Variants in SPIRE1 observed in about 807,000 individuals in gnomAD.
SPIRE1 encodes the protein spire type actin nucleation factor 1.
SPIRE1 carries 40 observed loss-of-function variants against 94.1 expected under a neutral mutation model. The observed-to-expected ratio is 0.43, with a 90% confidence interval of 0.33 to 0.55. The LOEUF (loss-of-function observed/expected upper bound fraction) is 0.55. Ranked by LOEUF, SPIRE1 falls within the 20% of genes least tolerant of loss-of-function variation. SPIRE1 has a pLI of 0.06. For synonymous variants in SPIRE1, 376 were observed against 371.7 expected, an observed-to-expected ratio of 1.01 and a Z score of -0.13; for missense variants, 838 against 975.2, an observed-to-expected ratio of 0.86 and a Z score of 1.87.
chr18:12,456,869 G>A (rs923720782), intron 12 of SPIRE1, among the ~76,000 whole-genome samples: 5 of 152,142 alleles, frequency 3.3e-5, no homozygotes, highest in African/African-American at 7.2e-5. Flanking sequence ...ACAAGGTCTC[G>A]CTCTGTCACC....
At chr18:12,513,489 CTTTATTTATTTATTTA>C (rs10580270) in intron 4 of SPIRE1, among the ~76,000 whole-genome samples, 1,828 of 142,914 alleles carry the variant, frequency 0.013, 16 homozygotes, top group Middle Eastern at 0.025. Context: ...GAATACTTAA[CTTTATTTATTTATTTA>C]TTTATTTATT....
intron 12 of SPIRE1, among the ~76,000 whole-genome samples, chr18:12,457,506 G>A (rs939974529): frequency 2.6e-5 from 4 of 152,140 alleles, no homozygotes; most frequent in Non-Finnish European, 4.4e-5. Context: ...GCATGTGTTC[G>A]GCCCGTTTGA....
intron 2 of SPIRE1, among the ~76,000 whole-genome samples, chr18:12,555,482 G>A (rs1474968402): frequency 1.3e-5 from 2 of 151,936 alleles, no homozygotes; most frequent in African/African-American, 4.8e-5. Context: ...TAACCAAGTG[G>A]GATTTTTCCC....
upstream of SPIRE1, chr18:12,661,869 A>T (rs1043201433): frequency 6.0e-6 from 1 of 165,300 alleles, no homozygotes; most frequent in African/African-American, 2.4e-5. Context: ...TTACTCTATG[A>T]CTTCATATTT....
chr18:12,591,993 A>AT (rs2036549104), intron 2 of SPIRE1, among the ~76,000 whole-genome samples: 1 of 136,996 alleles, frequency 7.3e-6, no homozygotes, highest in Non-Finnish European at 1.6e-5. Context: ...AAAAAAAAAA[A>AT]TCAAGAATAG....
chr18:12,648,814 C>T lies in SPIRE1; in HGVS notation c.337+8716G>A, dbSNP rs373881659. ...CTGAGGCAGGAGAATCCCTTGAACC[C>T]AGGAGGTAGAGGTTATGGTGAGCCA... On this transcript the variant is annotated intron_variant, in intron 1 of 16. Coordinates refer to ENST00000409402, the MANE Select transcript of SPIRE1 (RefSeq NM_001128626.2). Among the ~76,000 whole-genome samples, 317 of 146,426 alleles carry T rather than the reference C, an allele frequency of 2.2e-3. 2 individuals carry two copies. The highest frequency in any genetic ancestry group is 7.3e-3 in the African/African-American group (290 of 39,706).
intron 4 of SPIRE1, among the ~76,000 whole-genome samples, chr18:12,515,060 A>G (rs1327783906): frequency 6.6e-6 from 1 of 152,104 alleles, no homozygotes; most frequent in Non-Finnish European, 1.5e-5. Context: ...GCCCACTTGG[A>G]AACACGTTCT....
intron 9 of SPIRE1, among the ~76,000 whole-genome samples, chr18:12,482,020 TA>T (rs2143779711): frequency 6.6e-6 from 1 of 152,272 alleles, no homozygotes; most frequent in South Asian, 2.1e-4. Context: ...GGAGTTATCA[TA>T]ATAAGAGAAA....
intron 12 of SPIRE1, among the ~76,000 whole-genome samples, chr18:12,456,936 C>G (rs2031534329): frequency 6.6e-6 from 1 of 152,196 alleles, no homozygotes; most frequent in Non-Finnish European, 1.5e-5. Flanking sequence ...CTCCCGGGTT[C>G]AAGTGATTCT....
At chr18:12,611,138 A>C (rs2037129727) in intron 2 of SPIRE1, among the ~76,000 whole-genome samples, 1 of 152,190 alleles carries the variant, frequency 6.6e-6, no homozygotes, top group Non-Finnish European at 1.5e-5. Context: ...AATTAAAAAC[A>C]AAAAAACTTG....
intron 2 of SPIRE1, among the ~76,000 whole-genome samples, chr18:12,603,001 A>G (rs1322384492): frequency 6.6e-6 from 1 of 152,220 alleles, no homozygotes; most frequent in East Asian, 1.9e-4. Flanking sequence ...TGATAAGCTC[A>G]TTGAAAATAC....
intron 2 of SPIRE1, among the ~76,000 whole-genome samples, chr18:12,617,249 C>T (rs12457615): frequency 0.032 from 4,763 of 150,938 alleles, 144 homozygotes; most frequent in East Asian, 0.091. Context: ...AACCACCACT[C>T]TGTCACCCAG....
intron 2 of SPIRE1, among the ~76,000 whole-genome samples, chr18:12,600,289 C>G (rs2036796852): frequency 6.6e-6 from 1 of 152,110 alleles, no homozygotes; most frequent in African/African-American, 2.4e-5. Flanking sequence ...GGCCAGACTC[C>G]TAACTAACAA....
chr18:12,607,141 A>G (rs1315004907), intron 2 of SPIRE1, among the ~76,000 whole-genome samples: 3 of 152,212 alleles, frequency 2.0e-5, no homozygotes, highest in Non-Finnish European at 4.4e-5. Flanking sequence ...AACTTGTGAC[A>G]ATCACAAGGT....
rs545602402 is a variant in SPIRE1 at position 12,617,978 on chromosome 18, A to G, written c.372+17084T>C. The stretch of plus-strand genomic sequence containing the variant: ...CAAGTCCTCAACAAATGATGTAAAA[A>G]AAATTTATATTTTTACCTGTAGTTC... On this transcript the variant is annotated intron_variant, in intron 2 of 16. Coordinates refer to ENST00000409402, the MANE Select transcript of SPIRE1 (RefSeq NM_001128626.2). 2.3e-3 allele frequency among the ~76,000 whole-genome samples: 358 copies of G among 152,342 alleles called. 3 individuals carry two copies. Among genetic ancestry groups the G allele is most frequent in the South Asian group, 0.014 (69 of 4,828 alleles).
Position 12,556,690 on chromosome 18 carries a change from G to C in SPIRE1, c.373-9786C>G, listed in dbSNP as rs564152013. 2.6e-5 allele frequency among the ~76,000 whole-genome samples: 4 copies of C among 152,234 alleles called. No individual in the cohort carries two copies. In the South Asian group the frequency reaches 8.3e-4, roughly 32 times the overall value. On this transcript the variant is annotated intron_variant, in intron 2 of 16. Transcript: ENST00000409402. ...TTGTTCATTCCTCCCCTCTGGAGTT[G>C]TTCCTCCCTCCCGCTGGGTTCATGG...
chr18:12,479,527 A>T (rs1234701644), intron 10 of SPIRE1, among the ~76,000 whole-genome samples, 172 bp downstream of exon 10: 1 of 152,188 alleles, frequency 6.6e-6, no homozygotes, highest in Non-Finnish European at 1.5e-5. Flanking sequence ...ACTAATAGAA[A>T]GTAATCTATT....
intron 4 of SPIRE1, 45 bp downstream of exon 4, chr18:12,535,431 T>G (rs2034805886): frequency 6.4e-7 from 1 of 1,573,292 alleles, no homozygotes; most frequent in Non-Finnish European, 8.7e-7. Flanking sequence ...ATCAAATGCA[T>G]GCCAATCAAA....
upstream of SPIRE1, among the ~76,000 whole-genome samples, chr18:12,659,352 C>T (rs2144929747): frequency 6.6e-6 from 1 of 152,150 alleles, no homozygotes; most frequent in East Asian, 1.9e-4. Context: ...AGAAAAGCAA[C>T]AGGACGAAAA....
Sources: gnomAD v4.1 joint callset for allele counts (sites outside exome capture counted in the v4.1 genomes callset) on GRCh38, gnomAD v4.1.1 for gene constraint, MANE v1.5 for transcripts, NCBI Gene and HGNC (gene_info 2026-07-23, HGNC 2026-07-21) for gene names.